NUP214: variants seen among roughly 807,000 people sequenced by gnomAD.
NUP214 encodes the protein nuclear pore complex protein Nup214.
A neutral mutation model predicts 196.2 loss-of-function variants in NUP214; 79 were observed. That is an observed-to-expected ratio of 0.40 (90% CI 0.34 to 0.49). The LOEUF (loss-of-function observed/expected upper bound fraction) is 0.49, where lower values mean the gene tolerates loss of function less well. NUP214 is among the 20% of genes least tolerant of loss of function. The pLI, the probability that NUP214 is intolerant of heterozygous loss-of-function variation, is 0.58. For synonymous variants in NUP214, 1,020 were observed against 990.5 expected (o/e 1.03, Z -0.56); for missense variants, 2,468 against 2,539.0 (o/e 0.97, Z 0.60).
chr9:131,153,719 A>T (rs1296942203), intron 17 of NUP214, among the ~76,000 whole-genome samples: 1 of 152,248 alleles, frequency 6.6e-6, no homozygotes, highest in African/African-American at 2.4e-5. Context: ...TGAAACCAAG[A>T]TAACTGAAAC....
At position 131,144,343 on chromosome 9, in the gene NUP214, C is replaced by T; in HGVS notation, c.1358C>T (p.Ala453Val). Residue 453 changes from alanine to valine, a missense_variant, in exon 12 of 36, where the codon GCA becomes GTA. Physicochemically the swap from Ala to Val is moderately conservative, Grantham distance 64. Around this residue, in one of 5 missense-constraint regions of NUP214, gnomAD observed 1,801 missense variants for 1,779.4 expected, o/e 1.01. Coordinates refer to ENST00000359428, the MANE Select transcript of NUP214 (RefSeq NM_005085.4). ...APQKLDASAA[A>V]APASLPPSSP... ...CAGAAACTGGATGCTTCTGCAGCTG[C>T]AGCCCCTGCCTCTCTGCCACCTTCA... The T allele has an allele frequency of 6.2e-7, 1 of 1,614,186 alleles. No homozygotes were observed. Among genetic ancestry groups the T allele is most frequent in the Non-Finnish European group, 8.5e-7 (1 of 1,180,036 alleles).
chr9:131,215,267 G>T lies in NUP214; in HGVS notation c.5648G>T (p.Gly1883Val). The T allele has an allele frequency of 6.2e-7, 1 of 1,606,084 alleles. No individual in the cohort carries two copies. The change falls in exon 31 of 36, where the codon GGA becomes GTA. Residue 1883 changes from glycine (G) to valine (V), a missense_variant. Gly to Val is a moderately radical substitution (Grantham distance 109). This residue lies in a region of NUP214 where 262 missense variants were observed against 296.5 expected (regional missense o/e 0.88). Transcript: ENST00000359428. ...VFGSGNTGRG[G>V]GFFSGLGGKP... ...GGGTCTGGAAACACTGGAAGAGGGG[G>T]AGGTTTCTTCAGTGGCCTTGGAGGA... is the stretch of plus-strand genomic sequence containing the variant.
At chr9:131,201,790 C>A in intron 30 of NUP214, 73 bp downstream of exon 30, 1 of 1,277,312 alleles carries the variant, frequency 7.8e-7, no homozygotes, top group South Asian at 1.2e-5. Flanking sequence ...GTAATGTAGT[C>A]AGTTCGTGTT....
intron 21 of NUP214, among the ~76,000 whole-genome samples, chr9:131,169,970 C>T (rs558584047): frequency 5.3e-5 from 8 of 152,098 alleles, no homozygotes; most frequent in African/African-American, 1.7e-4. Context: ...ACTATAGAGA[C>T]AGAACTAGAA....
chr9:131,233,628 C>T lies in NUP214; in HGVS notation c.*141C>T, dbSNP rs755977635. ...GAAAGAAACAACAGAAACCAAAACTCACAAGGCGCATGATTACTTGTTTTA... is the reference window on the plus strand; with the variant it reads ...GAAAGAAACAACAGAAACCAAAACTTACAAGGCGCATGATTACTTGTTTTA... On this transcript the variant is annotated 3_prime_UTR_variant, in exon 36 of 36. Transcript: ENST00000359428. 4.0e-5 allele frequency: 34 copies of T among 853,450 alleles called. No individual in the cohort carries two copies. The highest frequency in any genetic ancestry group is 2.1e-4 in the Middle Eastern group (1 of 4,704). 52.9% of individuals were successfully genotyped at this position (853,450 alleles called of 1,614,324 possible).
intron 17 of NUP214, among the ~76,000 whole-genome samples, 175 bp downstream of exon 17, chr9:131,152,069 A>G (rs561518357): frequency 1.3e-5 from 2 of 152,320 alleles, no homozygotes; most frequent in Admixed American, 1.3e-4. Flanking sequence ...AGTACACTTC[A>G]TGTAATTATG....
chr9:131,127,677 C>T lies in NUP214; in HGVS notation c.199C>T (p.Leu67Phe), dbSNP rs1564175167. The change falls in exon 2 of 36, where the codon CTT (leucine) becomes TTT (phenylalanine). Residue 67 changes from leucine to phenylalanine, a missense_variant. This residue lies in a region of NUP214 where 392 missense variants were observed against 417.9 expected (regional missense o/e 0.94). Coordinates refer to ENST00000359428, the MANE Select transcript of NUP214 (RefSeq NM_005085.4). Reference protein sequence around the residue: ...SGLQIFPTKNLLIQNKPGDDP... With the variant: ...SGLQIFPTKNFLIQNKPGDDP... ...CTTGCAGATTTTTCCTACTAAAAAT[C>T]TTCTTATTCAAAATAAACCCGGAGA... 1.9e-6 allele frequency: 3 copies of T among 1,613,984 alleles called. No individual in the cohort carries two copies. The highest frequency in any genetic ancestry group is 2.5e-6 in the Non-Finnish European group (3 of 1,179,980).
intron 34 of NUP214, 42 bp downstream of exon 34, chr9:131,230,811 C>A (rs764940920): frequency 6.3e-7 from 1 of 1,592,292 alleles, no homozygotes; most frequent in South Asian, 1.1e-5. Context: ...AAAATGGGTC[C>A]CTCTTGCCTT....
At position 131,197,780 on chromosome 9, in the gene NUP214, G is replaced by A; in HGVS notation, c.4286G>A (p.Gly1429Glu). The A allele has an allele frequency of 6.2e-7, 1 of 1,614,142 alleles. No individual in the cohort carries two copies. Among genetic ancestry groups the A allele is most frequent in the Non-Finnish European group, 8.5e-7 (1 of 1,180,044 alleles). Reference protein sequence around the residue: ...AGSSGVISFGGTSLSAGKTSF... With the variant: ...AGSSGVISFGETSLSAGKTSF... ...TCCTCTGGGGTCATCAGTTTTGGTG[G>A]GACATCTCTAAGTGCTGGCAAGACT... The change falls in exon 29 of 36, where the codon GGG (glycine) becomes GAG (glutamate). Residue 1429 changes from glycine (G) to glutamate (E), a missense_variant. Transcript: ENST00000359428.
chr9:131,164,670 A>G (rs1356906018), intron 21 of NUP214: 1 of 152,394 alleles, frequency 6.6e-6, no homozygotes, highest in Non-Finnish European at 1.5e-5. Flanking sequence ...TGCTGGGATT[A>G]CAGGTATGAG....
At chr9:131,186,580 G>T (rs1457215791) in intron 24 of NUP214, among the ~76,000 whole-genome samples, 1 of 152,168 alleles carries the variant, frequency 6.6e-6, no homozygotes, top group African/African-American at 2.4e-5. Flanking sequence ...TGAAAAAATT[G>T]CCGCTAGGAG....
chr9:131,178,541 C>T (rs1396076935), intron 24 of NUP214, 131 bp downstream of exon 24: 6 of 641,634 alleles, frequency 9.4e-6, no homozygotes, highest in Non-Finnish European at 1.4e-5. Context: ...AGGGGGGTGG[C>T]GGCTAAGCCT....
At chr9:131,140,521 T>A in intron 10 of NUP214, 28 bp from the exon 11 acceptor site, 1 of 1,588,936 alleles carries the variant, frequency 6.3e-7, no homozygotes, top group Non-Finnish European at 8.5e-7. Flanking sequence ...TCACTTGGTT[T>A]TTTTATTTTT....
Position 131,146,311 on chromosome 9 carries a change from T to C in NUP214, c.1945+7T>C. ...GTCTTGCCCTCACCATCAGGTATGATTTTAAGCAGACAACTTTAGACCTCA... is the reference window on the plus strand; with the variant it reads ...GTCTTGCCCTCACCATCAGGTATGACTTTAAGCAGACAACTTTAGACCTCA... On this transcript the variant is annotated splice_region_variant and intron_variant, in intron 13 of 35. Coordinates refer to ENST00000359428, the MANE Select transcript of NUP214 (RefSeq NM_005085.4). This position sits in a 1 kb window ranked among gnomAD's most constrained non-coding sequence, Gnocchi z 4.6. 6.2e-7 allele frequency: 1 copy of C among 1,613,464 alleles called. No individual in the cohort carries two copies. The highest frequency in any genetic ancestry group is 2.2e-5 in the East Asian group (1 of 44,866).
chr9:131,172,885 G>T (rs1428138140), intron 21 of NUP214, among the ~76,000 whole-genome samples: 1 of 152,032 alleles, frequency 6.6e-6, no homozygotes, highest in Non-Finnish European at 1.5e-5. Context: ...GGGGAGGGAA[G>T]AAAAAGGGCT....
intron 7 of NUP214, 102 bp downstream of exon 7, chr9:131,133,311 T>G (rs1446631771): frequency 4.5e-6 from 3 of 661,278 alleles, no homozygotes; most frequent in African/African-American, 1.9e-5. Flanking sequence ...TGTGTTTTTT[T>G]TTTTTTTTTT....
chr9:131,125,772 C>T lies in NUP214; in HGVS notation c.45+23C>T, dbSNP rs1831328228. The T allele has an allele frequency of 1.3e-6, 2 of 1,550,390 alleles. No individual in the cohort carries two copies. The highest frequency in any genetic ancestry group is 1.7e-6 in the Non-Finnish European group (2 of 1,146,420). On this transcript the variant is annotated intron_variant, in intron 1 of 35. Transcript: ENST00000359428. The surrounding 1 kb of genome is among the most constrained non-coding windows in gnomAD (Gnocchi z 4.1). ...AAGGTCAGAGACTAACCGGGGCCTC[C>T]CTCCCTTCTTTAGTCCTGGCGTTGC...
At chr9:131,156,670 A>G (rs957640788) in intron 17 of NUP214, among the ~76,000 whole-genome samples, 1 of 150,778 alleles carries the variant, frequency 6.6e-6, no homozygotes, top group Non-Finnish European at 1.5e-5. Flanking sequence ...ATTTGTGTAC[A>G]TTGATTTTGT....
Position 131,125,945 on chromosome 9 carries a change from G to T in NUP214, c.45+196G>T. On this transcript the variant is annotated intron_variant, in intron 1 of 35. Transcript: ENST00000359428. The surrounding 1 kb of genome is among the most constrained non-coding windows in gnomAD (Gnocchi z 4.1). Reference sequence around the variant, plus strand: ...AATGCAGTTTCCCAGTCCCATCCTGGTCTCGTGCACGGCTGTTGAGTTACC... The same window carrying T: ...AATGCAGTTTCCCAGTCCCATCCTGTTCTCGTGCACGGCTGTTGAGTTACC... 1.5e-6 allele frequency: 1 copy of T among 658,470 alleles called. No individual in the cohort carries two copies. The highest frequency in any genetic ancestry group is 2.6e-6 in the Non-Finnish European group (1 of 383,594). The allele number at this position is 658,470 out of a possible 1,614,324, so 40.8% of individuals were successfully genotyped here.
Sources: allele counts gnomAD v4.1 joint callset (sites outside exome capture counted in the v4.1 genomes callset), GRCh38; gene constraint gnomAD v4.1.1; regional missense constraint gnomAD v4.1.1; non-coding constraint Gnocchi (gnomAD v3.1); transcripts MANE v1.5; gene names NCBI Gene and HGNC (gene_info 2026-07-23, HGNC 2026-07-21).